FGD6: variants seen among roughly 807,000 people sequenced by gnomAD.
The protein encoded by FGD6 is FYVE, RhoGEF and PH domain-containing protein 6.
A neutral mutation model predicts 149.4 loss-of-function variants in FGD6; 90 were observed. The observed-to-expected ratio is 0.60, with a 90% CI of 0.51 to 0.72. The LOEUF is 0.72. FGD6 is among the 30% of genes least tolerant of loss of function. The pLI is 0.00. For synonymous variants in FGD6, 527 were observed against 584.0 expected, an observed-to-expected ratio of 0.90 and a Z score of 1.41; for missense variants, 1,437 against 1,684.8, an observed-to-expected ratio of 0.85 and a Z score of 2.57.
intron 20 of FGD6, among the ~76,000 whole-genome samples, chr12:95,082,565 G>A (rs1400552613): frequency 6.7e-6 from 1 of 150,152 alleles, no homozygotes; most frequent in Non-Finnish European, 1.5e-5. Flanking sequence ...GCTGAGGCAG[G>A]AGAATTGCTT....
At chr12:95,217,073 G>A in intron 1 of FGD6, 152 bp downstream of exon 1, 1 of 1,188,678 alleles carries the variant, frequency 8.4e-7, no homozygotes. Flanking sequence ...AAAGCCGGCA[G>A]CGAATCCCAT....
chr12:95,212,180 T>G (rs1464271194), intron 1 of FGD6, among the ~76,000 whole-genome samples: 1 of 152,188 alleles, frequency 6.6e-6, no homozygotes, highest in Non-Finnish European at 1.5e-5. Context: ...CGGAGCTCTA[T>G]TTTTTAAAAA....
At chr12:95,099,343 G>A (rs1197451508) in intron 14 of FGD6, among the ~76,000 whole-genome samples, 2 of 152,172 alleles carry the variant, frequency 1.3e-5, no homozygotes, top group African/African-American at 2.4e-5. Context: ...GGAGTCACAC[G>A]CAGATCCGTG....
intron 3 of FGD6, among the ~76,000 whole-genome samples, chr12:95,162,100 C>CAA (rs762218917): frequency 0.07 from 4,308 of 61,780 alleles, 146 homozygotes; most frequent in Non-Finnish European, 0.081. Context: ...CTGAAAAATA[C>CAA]AAAAAAAAAA....
At chr12:95,115,400 C>CT (rs59390285) in intron 8 of FGD6, among the ~76,000 whole-genome samples, 1,858 of 129,188 alleles carry the variant, frequency 0.014, 79 homozygotes, top group African/African-American at 0.041. Context: ...TCCATGTCTG[C>CT]TTTTTTTTTT....
At chr12:95,190,810 C>T (rs1057369189) in intron 2 of FGD6, among the ~76,000 whole-genome samples, 2 of 151,966 alleles carry the variant, frequency 1.3e-5, no homozygotes, top group African/African-American at 2.4e-5. Context: ...CAGCACTTTG[C>T]GAGGCCAAAG....
chr12:95,121,462 A>AAAAG (rs1425869453), intron 8 of FGD6, among the ~76,000 whole-genome samples: 1 of 60,320 alleles, frequency 1.7e-5, no homozygotes, highest in Non-Finnish European at 2.7e-5. Context: ...AAAAAAAAAA[A>AAAAG]AGATATATAT....
chr12:95,186,225 CTTCTTTTTTTTTTTTTTTTTTT>C (rs1159792466), intron 2 of FGD6, among the ~76,000 whole-genome samples: 8 of 71,186 alleles, frequency 1.1e-4, no homozygotes, highest in South Asian at 4.8e-4. Flanking sequence ...TTATATTCTT[CTTCTTTTTTTTTTTTTTTTTTT>C]TTTTTTTTTT....
At position 95,089,750 on chromosome 12, in the gene FGD6, A is replaced by G. The variant is rs549113399; in HGVS notation, c.3851-54T>C. The G allele has an allele frequency of 3.8e-5, 60 of 1,598,646 alleles. No homozygotes were observed. The Middle Eastern group carries it at 8.4e-4, about 22-fold the overall frequency. ...GCAATGCTCAGCATTTTGCAATTCA[A>G]TTTCATTCAAATCCATAAACACTGT... On this transcript the variant is annotated intron_variant, in intron 17 of 20. Transcript: ENST00000343958.
At chr12:95,081,683 G>GTGT (rs1276222486) in intron 20 of FGD6, 127 bp from the exon 21 acceptor site, 1 of 279,202 alleles carries the variant, frequency 3.6e-6, no homozygotes, top group Admixed American at 6.2e-5. Flanking sequence ...ATATATATAT[G>GTGT]TATTTTTTTT....
chr12:95,168,598 G>A (rs1221433990), intron 3 of FGD6, among the ~76,000 whole-genome samples: 1 of 151,214 alleles, frequency 6.6e-6, no homozygotes, highest in Non-Finnish European at 1.5e-5. Flanking sequence ...TGGAAGCAGA[G>A]GTTGCAGTGA....
At chr12:95,162,602 AATAACTACAT>A (rs1466513141) in intron 3 of FGD6, among the ~76,000 whole-genome samples, 1 of 152,198 alleles carries the variant, frequency 6.6e-6, no homozygotes, top group Non-Finnish European at 1.5e-5. Flanking sequence ...TGAACATACA[AATAACTACAT>A]ATAAGCACAA....
chr12:95,193,030 G>A (rs1045411528), intron 2 of FGD6, among the ~76,000 whole-genome samples: 3 of 152,072 alleles, frequency 2.0e-5, no homozygotes, highest in Admixed American at 6.6e-5. Context: ...GCAGACACTG[G>A]GTCACTCATA....
chr12:95,187,192 G>A (rs1346911164), intron 2 of FGD6, among the ~76,000 whole-genome samples: 5 of 151,040 alleles, frequency 3.3e-5, no homozygotes, highest in African/African-American at 7.3e-5. Context: ...TTAGCTGGTC[G>A]TGGTGGCAGG....
rs2136303813 is a variant in FGD6, at chr12:95,209,723, T to C, written c.1561A>G (p.Lys521Glu). 1.2e-6 allele frequency: 2 copies of C among 1,614,164 alleles called. No homozygotes were observed. Among genetic ancestry groups the C allele is most frequent in the East Asian group, 2.2e-5 (1 of 44,890 alleles). ...KKAASEELLE[K>E]SSYPSSEEKS... is the part of the protein sequence containing the mutation. ...TCTTCACTTGAAGGATAAGAACTTTTTTCCAAAAGCTCCTCGGAGGCAGCC... is the reference window on the plus strand; with the variant it reads ...TCTTCACTTGAAGGATAAGAACTTTCTTCCAAAAGCTCCTCGGAGGCAGCC... Residue 521 changes from lysine to glutamate, a missense_variant, in exon 2 of 21, where the codon AAA becomes GAA. Lys to Glu is a moderately conservative substitution (Grantham distance 56). Coordinates refer to ENST00000343958, the MANE Select transcript of FGD6 (RefSeq NM_018351.4).
chr12:95,094,588 A>G lies in FGD6; in HGVS notation c.3600+4T>C, dbSNP rs1475542371. 3.8e-6 allele frequency: 6 copies of G among 1,583,914 alleles called. No individual in the cohort carries two copies. Among genetic ancestry groups the G allele is most frequent in the Admixed American group, 1.8e-5 (1 of 54,126 alleles). Reference sequence around the variant, plus strand: ...GAAAAAAAAAAAAAAGGAGAAAACAATACCTCATCAAGACTCCTACTAGGA... The same window carrying G: ...GAAAAAAAAAAAAAAGGAGAAAACAGTACCTCATCAAGACTCCTACTAGGA... On this transcript the variant is annotated splice_donor_region_variant and intron_variant, in intron 15 of 20. Coordinates refer to ENST00000343958, the MANE Select transcript of FGD6 (RefSeq NM_018351.4).
chr12:95,141,308 A>C, intron 6 of FGD6, 80 bp downstream of exon 6: 12 of 1,307,846 alleles, frequency 9.2e-6, no homozygotes, highest in South Asian at 1.3e-5. Flanking sequence ...ATGAAAATAT[A>C]TCTCTGTCAC....
At chr12:95,089,065 A>G (rs771525000) in intron 18 of FGD6, among the ~76,000 whole-genome samples, 1 of 152,216 alleles carries the variant, frequency 6.6e-6, no homozygotes, top group Admixed American at 6.5e-5. Context: ...GATATCAACA[A>G]AGTCTGTGGA....
At chr12:95,214,443 T>C (rs1022462837) in intron 1 of FGD6, among the ~76,000 whole-genome samples, 2 of 152,182 alleles carry the variant, frequency 1.3e-5, no homozygotes, top group Non-Finnish European at 2.9e-5. Flanking sequence ...TTTTTTTTCA[T>C]GGCTCTATTT....
Sources: gnomAD v4.1 joint callset for allele counts (sites outside exome capture counted in the v4.1 genomes callset) on GRCh38, gnomAD v4.1.1 for gene constraint, MANE v1.5 for transcripts, NCBI Gene and HGNC (gene_info 2026-07-23, HGNC 2026-07-21) for gene names.